PSMA1: variants seen among roughly 807,000 people sequenced by gnomAD.
PSMA1 encodes proteasome subunit alpha type-1.
A neutral mutation model predicts 38.4 loss-of-function variants in PSMA1; 3 were observed. The observed-to-expected ratio is 0.08, with a 90% CI of 0.04 to 0.20. PSMA1 has a LOEUF of 0.20. Ranked by LOEUF, PSMA1 falls within the 10% of genes least tolerant of loss-of-function variation. PSMA1 has a pLI of 1.00. For synonymous variants in PSMA1, 101 were observed against 107.1 expected (o/e 0.94, Z 0.35); for missense variants, 227 against 325.3 (o/e 0.70, Z 2.32).
chr11:14,606,719 T>C (rs902231189), intron 2 of PSMA1, among the ~76,000 whole-genome samples: 10 of 152,264 alleles, frequency 6.6e-5, no homozygotes, highest in African/African-American at 1.9e-4. Flanking sequence ...TGACATTTAT[T>C]AGCTGTATAA....
At chr11:14,636,042 T>C (rs766856212) in intron 1 of PSMA1, among the ~76,000 whole-genome samples, 60 of 152,218 alleles carry the variant, frequency 3.9e-4, no homozygotes, top group Admixed American at 7.2e-4. Flanking sequence ...GTGTACTTTA[T>C]ATTGTATCAA....
chr11:14,509,034 T>C (rs1157073793), intron 8 of PSMA1, among the ~76,000 whole-genome samples: 2 of 152,324 alleles, frequency 1.3e-5, no homozygotes, highest in South Asian at 4.1e-4. Flanking sequence ...AGACTCTAAA[T>C]GCCATTTCTA....
At chr11:14,540,594 C>A (rs1158219633) in intron 2 of PSMA1, among the ~76,000 whole-genome samples, 1 of 152,022 alleles carries the variant, frequency 6.6e-6, no homozygotes, top group Non-Finnish European at 1.5e-5. Flanking sequence ...TAAAATACTA[C>A]TCCTATCAGA....
chr11:14,570,880 G>A (rs969149516), intron 2 of PSMA1, among the ~76,000 whole-genome samples: 3 of 152,110 alleles, frequency 2.0e-5, no homozygotes, highest in Non-Finnish European at 4.4e-5. Context: ...CTTGAGAAGA[G>A]CAACTCCAAG....
At chr11:14,521,402 G>A (rs1368634769), upstream of PSMA1, among the ~76,000 whole-genome samples, 4 of 151,774 alleles carry the variant, frequency 2.6e-5, no homozygotes, top group Admixed American at 2.6e-4. Flanking sequence ...TGATGTGGGA[G>A]GATCTCTTGA....
chr11:14,628,084 T>C (rs1164128332), intron 1 of PSMA1, among the ~76,000 whole-genome samples: 1 of 152,202 alleles, frequency 6.6e-6, no homozygotes, highest in Non-Finnish European at 1.5e-5. Context: ...CATAGGAACA[T>C]GAATCCTTTT....
chr11:14,578,030 C>T (rs1852239263), intron 2 of PSMA1, among the ~76,000 whole-genome samples: 1 of 150,932 alleles, frequency 6.6e-6, no homozygotes, highest in African/African-American at 2.4e-5. Flanking sequence ...ACAATGAGAA[C>T]ACATGGGCAC....
In PSMA1 at chr11:14,595,607, A is replaced by G. The variant is rs143755356; in HGVS notation, c.21+15359T>C. Among the ~76,000 whole-genome samples, 177 of 152,004 alleles carry G rather than the reference A, an allele frequency of 1.2e-3. 1 individual carries two copies. Among genetic ancestry groups the G allele is most frequent in the East Asian group, 3.9e-3 (20 of 5,184 alleles). ...CCACTTTTTGATGTTTTTTTCTTGT[A>G]AATTTGTTTGAGTTCTTTGTAGATT... On this transcript the variant is annotated intron_variant, in intron 2 of 10. Transcript: ENST00000418988.
At chr11:14,588,684 A>T (rs911457642) in intron 2 of PSMA1, among the ~76,000 whole-genome samples, 1 of 152,258 alleles carries the variant, frequency 6.6e-6, no homozygotes, top group Non-Finnish European at 1.5e-5. Context: ...CATGAATCAC[A>T]ATAATCGCAA....
At chr11:14,583,588 AGAT>A (rs919280211) in intron 2 of PSMA1, among the ~76,000 whole-genome samples, 3 of 152,244 alleles carry the variant, frequency 2.0e-5, no homozygotes, top group African/African-American at 7.2e-5. Context: ...GCAAACCTGC[AGAT>A]GATTAACTTT....
chr11:14,590,318 C>T (rs925893261), intron 2 of PSMA1, among the ~76,000 whole-genome samples: 2 of 152,070 alleles, frequency 1.3e-5, no homozygotes, highest in South Asian at 2.1e-4. Context: ...ACATTCAACA[C>T]GGTTAAGATA....
intron 2 of PSMA1, among the ~76,000 whole-genome samples, chr11:14,572,493 A>G (rs1319698473): frequency 6.6e-6 from 1 of 152,076 alleles, no homozygotes; most frequent in African/African-American, 2.4e-5. Context: ...CATACCAGAA[A>G]CTCTGGGACA....
intron 9 of PSMA1, among the ~76,000 whole-genome samples, chr11:14,505,507 G>A (rs1327336865): frequency 6.6e-6 from 1 of 152,074 alleles, no homozygotes; most frequent in African/African-American, 2.4e-5. Context: ...TAAACAGTGA[G>A]GGTCCACTTA....
chr11:14,638,567 A>C (rs1565065474), intron 1 of PSMA1, among the ~76,000 whole-genome samples: 28 of 14,360 alleles, frequency 1.9e-3, no homozygotes, highest in African/African-American at 4.1e-3. Context: ...ATATATATAT[A>C]TATATATATA....
Position 14,513,563 on chromosome 11 carries a change from C to G in PSMA1, c.544+7G>C. The G allele has an allele frequency of 1.4e-6, 2 of 1,436,148 alleles. No homozygotes were observed. The highest frequency in any genetic ancestry group is 2.6e-5 in the East Asian group (1 of 39,092). 89.0% of individuals were successfully genotyped at this position (1,436,148 alleles called of 1,614,324 possible). ...AAAAAAAAAAAAAAAGCAAGGCTGT[C>G]ACTTACACTCCATAAATTCAGACAT... is the stretch of plus-strand genomic sequence containing the variant. On this transcript the variant is annotated splice_region_variant and intron_variant, in intron 7 of 9. Coordinates refer to ENST00000396394, the MANE Select transcript of PSMA1 (RefSeq NM_002786.4).
At chr11:14,569,165 A>G (rs536970006) in intron 2 of PSMA1, among the ~76,000 whole-genome samples, 8 of 152,324 alleles carry the variant, frequency 5.3e-5, no homozygotes, top group Non-Finnish European at 1.2e-4. Flanking sequence ...CATTGTCATC[A>G]GGCTGCAAAT....
intron 2 of PSMA1, 28 bp from the exon 3 acceptor site, chr11:14,518,009 C>T (rs1192661577): frequency 6.2e-6 from 9 of 1,444,982 alleles, no homozygotes; most frequent in Non-Finnish European, 7.6e-6. Context: ...AAAAAACACA[C>T]ATCTTAGAAG....
chr11:14,579,341 A>G (rs765741649), intron 2 of PSMA1, among the ~76,000 whole-genome samples: 1 of 151,772 alleles, frequency 6.6e-6, no homozygotes, highest in Non-Finnish European at 1.5e-5. Flanking sequence ...CGTAACGGCG[A>G]TCTCTACCTT....
intron 2 of PSMA1, among the ~76,000 whole-genome samples, chr11:14,556,839 C>A (rs1851945021): frequency 6.6e-6 from 1 of 152,112 alleles, no homozygotes. Context: ...TGACATTTTA[C>A]TTTTAAATCT....
Sources: gnomAD v4.1 joint callset for allele counts (sites outside exome capture counted in the v4.1 genomes callset) on GRCh38, gnomAD v4.1.1 for gene constraint, MANE v1.5 for transcripts, NCBI Gene and HGNC (gene_info 2026-07-23, HGNC 2026-07-21) for gene names.